AGAP3: variants seen among roughly 807,000 people sequenced by gnomAD.
The protein encoded by AGAP3 is arf-GAP with GTPase, ANK repeat and PH domain-containing protein 3.
A neutral mutation model predicts 96.9 loss-of-function variants in AGAP3; 24 were observed. The ratio of observed to expected loss-of-function variants is 0.25; its 90% confidence interval spans 0.18 to 0.35. The LOEUF is 0.35. Ranked by LOEUF, AGAP3 falls within the 10% of genes least tolerant of loss-of-function variation. The pLI is 1.00. For synonymous variants in AGAP3, 563 were observed against 536.1 expected, an observed-to-expected ratio of 1.05 and a Z score of -0.69; for missense variants, 876 against 1,254.2, an observed-to-expected ratio of 0.70 and a Z score of 4.55.
At chr7:151,088,658 T>C (rs1303883472) in intron 1 of AGAP3, among the ~76,000 whole-genome samples, 1 of 152,210 alleles carries the variant, frequency 6.6e-6, no homozygotes, top group African/African-American at 2.4e-5. Context: ...TGGGGGCACA[T>C]CTGCTTCCGA....
intron 1 of AGAP3, among the ~76,000 whole-genome samples, chr7:151,113,073 G>C (rs1310808334): frequency 1.3e-5 from 2 of 152,296 alleles, no homozygotes; most frequent in East Asian, 3.9e-4. Context: ...ATGAGCTTGT[G>C]AGTGGGCAGC....
intron 9 of AGAP3, among the ~76,000 whole-genome samples, chr7:151,126,366 A>AGAGCGGAGCG (rs1253197109): frequency 2.7e-5 from 1 of 36,516 alleles, no homozygotes; most frequent in Non-Finnish European, 5.2e-5. Context: ...GGAGCAGAGC[A>AGAGCGGAGCG]GAGCGGAGCG....
At position 151,123,040 on chromosome 7, in the gene AGAP3, C is replaced by T. The variant is rs1799986058; in HGVS notation, c.1129-754C>T. The T allele has an allele frequency of 4.5e-6, 6 of 1,335,420 alleles. No individual in the cohort carries two copies. In the South Asian group the frequency reaches 1.0e-4, roughly 23 times the overall value. 82.7% of individuals were successfully genotyped at this position (1,335,420 alleles called of 1,614,324 possible). ...TGCATGGAGAAGAAGGCAGCTCGGC[C>T]CCACGCCCGGCGCTGGCCAGCGCGA... On this transcript the variant is annotated intron_variant, in intron 8 of 17. Coordinates refer to ENST00000397238, the MANE Select transcript of AGAP3 (RefSeq NM_031946.7).
chr7:151,109,263 C>T (rs11976118), intron 1 of AGAP3, among the ~76,000 whole-genome samples: 3,110 of 152,162 alleles, frequency 0.02, 89 homozygotes, highest in African/African-American at 0.069. Context: ...CTTGGGAGGC[C>T]GAGGCAGGAG....
chr7:151,126,432 G>A (rs12703115), intron 9 of AGAP3, among the ~76,000 whole-genome samples: 5,255 of 71,786 alleles, frequency 0.073, 141 homozygotes, highest in Middle Eastern at 0.13. Flanking sequence ...GAGGCTGGGA[G>A]AGGCTGGGAG....
At chr7:151,121,481 T>C (rs1470567675) in intron 8 of AGAP3, among the ~76,000 whole-genome samples, 3 of 152,022 alleles carry the variant, frequency 2.0e-5, no homozygotes, top group Non-Finnish European at 4.4e-5. Flanking sequence ...GCTGCCTCAG[T>C]TCCATTCTTA....
rs753777750 is a variant in AGAP3 at position 151,123,856 on chromosome 7, C to T, written c.1191C>T (p.Ile397=). 2.5e-6 allele frequency: 4 copies of T among 1,611,000 alleles called. No homozygotes were observed. The highest frequency in any genetic ancestry group is 3.4e-6 in the Non-Finnish European group (4 of 1,179,902). The change falls in exon 9 of 18, where the codon ATC becomes ATT. Residue 397 remains isoleucine, a synonymous_variant. Transcript: ENST00000397238. The part of the protein sequence containing the change: ...KKAAECKVDS[I]GSGRAIPIKQ... The stretch of plus-strand genomic sequence containing the variant: ...CTGCCGAGTGCAAGGTGGACAGCAT[C>T]GGGAGCGGCCGCGCCATCCCCATCA...
Position 151,086,916 on chromosome 7 carries a change from C to A in AGAP3, c.175C>A (p.Gln59Lys). ...GCAGCAGCTGGCCGGCGGGCCCCCCCAGCAGTTCGCGCTCTCCAACTCCGC... is the reference window on the plus strand; with the variant it reads ...GCAGCAGCTGGCCGGCGGGCCCCCCAAGCAGTTCGCGCTCTCCAACTCCGC... ...PSQQLAGGPP[Q>K]QFALSNSAAI... Residue 59 changes from glutamine (Q) to lysine (K), a missense_variant, in exon 1 of 18, where the codon CAG (glutamine) becomes AAG (lysine). Physicochemically the swap from Gln to Lys is moderately conservative, Grantham distance 53 (BLOSUM62 1). Around this residue, in one of 8 missense-constraint regions of AGAP3, gnomAD observed 62 missense variants for 82.8 expected, o/e 0.75. Coordinates refer to ENST00000397238, the MANE Select transcript of AGAP3 (RefSeq NM_031946.7). The A allele has an allele frequency of 6.3e-7, 1 of 1,583,226 alleles. No individual in the cohort carries two copies. The highest frequency in any genetic ancestry group is 1.1e-5 in the South Asian group (1 of 88,146).
intron 1 of AGAP3, among the ~76,000 whole-genome samples, chr7:151,097,625 AG>A (rs979742260): frequency 1.3e-5 from 2 of 152,044 alleles, no homozygotes; most frequent in African/African-American, 4.8e-5. Flanking sequence ...GGGAGGCCTC[AG>A]GGAGCTTTTT....
At position 151,134,479 on chromosome 7, in the gene AGAP3, G is replaced by A. The variant is rs753878019; in HGVS notation, c.1406G>A (p.Arg469Gln). Reference sequence around the variant, plus strand: ...AAAGTGCCAGGGAAGCGCCTGCCCCGAGCCACACCTGCCACAGCCCCGGGC... The same window carrying A: ...AAAGTGCCAGGGAAGCGCCTGCCCCAAGCCACACCTGCCACAGCCCCGGGC... ...TVKVPGKRLPRATPATAPGTS... is the reference protein window; with the variant it reads ...TVKVPGKRLPQATPATAPGTS... The change falls in exon 11 of 18, where the codon CGA (arginine) becomes CAA (glutamine). Residue 469 changes from arginine to glutamine, a missense_variant. By Grantham distance (43) the Arg-to-Gln change is conservative. This residue lies in a region of AGAP3 where 63 missense variants were observed against 114.5 expected (regional missense o/e 0.55). Transcript: ENST00000397238. 7 of 1,611,930 alleles carry A rather than the reference G, an allele frequency of 4.3e-6. No homozygotes were observed. The highest frequency in any genetic ancestry group is 1.3e-5 in the African/African-American group (1 of 74,932).
At chr7:151,127,714 C>T (rs1258785984) in intron 9 of AGAP3, among the ~76,000 whole-genome samples, 1 of 152,178 alleles carries the variant, frequency 6.6e-6, no homozygotes, top group Non-Finnish European at 1.5e-5. Context: ...CCAGTGAGAG[C>T]ATCTTTAGAG....
chr7:151,117,903 C>T, intron 5 of AGAP3, 126 bp downstream of exon 5: 3 of 1,299,936 alleles, frequency 2.3e-6, no homozygotes, highest in Non-Finnish European at 3.1e-6. Flanking sequence ...CTGACTGGGA[C>T]CCTCAGCACT....
intron 1 of AGAP3, among the ~76,000 whole-genome samples, chr7:151,092,462 G>A (rs543696503): frequency 3.9e-5 from 6 of 152,324 alleles, no homozygotes; most frequent in Non-Finnish European, 5.9e-5. Flanking sequence ...CAGGCCAAGT[G>A]GTAAGGGAGC....
At chr7:151,102,742 A>C (rs1428270617) in intron 1 of AGAP3, among the ~76,000 whole-genome samples, 2 of 151,998 alleles carry the variant, frequency 1.3e-5, no homozygotes, top group Non-Finnish European at 2.9e-5. Flanking sequence ...CAGCCTCCCA[A>C]GTAGCCAGGA....
At chr7:151,123,759 GGCCTCTTTAACAC>G (rs1369741797) in intron 8 of AGAP3, 22 bp from the exon 9 acceptor site, 2 of 1,611,586 alleles carry the variant, frequency 1.2e-6, no homozygotes, top group South Asian at 2.2e-5. Flanking sequence ...GCAGACCCTG[GGCCTCTTTAACAC>G]GCCTCTTGTT....
At chr7:151,109,056 G>C (rs1412044588) in intron 1 of AGAP3, among the ~76,000 whole-genome samples, 1 of 151,968 alleles carries the variant, frequency 6.6e-6, no homozygotes, top group South Asian at 2.1e-4. Flanking sequence ...AGCTGGCTGC[G>C]GTGGCCCATG....
rs548016086 is a variant in AGAP3 at position 151,118,359 on chromosome 7, G to C, written c.841+15G>C. 1.9e-6 allele frequency: 3 copies of C among 1,604,690 alleles called. No homozygotes were observed. The highest frequency in any genetic ancestry group is 2.6e-6 in the Non-Finnish European group (3 of 1,172,894). ...CTTCCAGGACGGTAACTCGGGTGCCGGGTGGGAGTCACTGGCAGCCGCGGC... is the reference window on the plus strand; with the variant it reads ...CTTCCAGGACGGTAACTCGGGTGCCCGGTGGGAGTCACTGGCAGCCGCGGC... On this transcript the variant is annotated intron_variant, in intron 6 of 17. Coordinates refer to ENST00000397238, the MANE Select transcript of AGAP3 (RefSeq NM_031946.7). The surrounding 1 kb of genome is among the most constrained non-coding windows in gnomAD (Gnocchi z 6.1).
chr7:151,123,267 T>C, intron 8 of AGAP3: 1 of 1,052,480 alleles, frequency 9.5e-7, no homozygotes, highest in African/African-American at 1.7e-5. Context: ...CGCATTCGGG[T>C]GGACTCTGCC....
chr7:151,126,395 C>T (rs985985568), intron 9 of AGAP3, among the ~76,000 whole-genome samples: 4 of 145,548 alleles, frequency 2.7e-5, no homozygotes, highest in African/African-American at 1.0e-4. Flanking sequence ...CGGGGCCGGC[C>T]GTGGAGTCTC....
Sources: allele counts gnomAD v4.1 joint callset (sites outside exome capture counted in the v4.1 genomes callset), GRCh38; gene constraint gnomAD v4.1.1; regional missense constraint gnomAD v4.1.1; non-coding constraint Gnocchi (gnomAD v3.1); transcripts MANE v1.5; gene names NCBI Gene and HGNC (gene_info 2026-07-23, HGNC 2026-07-21).